PNCK: variants seen among roughly 807,000 people sequenced by gnomAD.
PNCK encodes the protein pregnancy up-regulated nonubiquitous CaM kinase.
Under a neutral mutation model 28.3 loss-of-function variants are expected in PNCK, and 21 were observed. That is an observed-to-expected ratio of 0.74 (90% CI 0.53 to 1.07). The LOEUF (loss-of-function observed/expected upper bound fraction) is 1.07, where lower values mean the gene tolerates loss of function less well. Among genes scored for constraint, PNCK ranks in the 50% least tolerant of loss-of-function variants. PNCK has a pLI of 0.00. For missense variants in PNCK, 250 were observed against 298.3 expected (o/e 0.84, Z 1.19); for synonymous variants, 136 against 125.2 (o/e 1.09, Z -0.58).
chrX:153,672,483 G>A (rs2091315453), intron 3 of PNCK, 83 bp downstream of exon 3: 2 of 1,137,582 alleles, frequency 1.8e-6, no homozygotes, highest in Admixed American at 2.5e-5. Flanking sequence ...AAAGGTTGGT[G>A]GCCAGGCCTG....
upstream of PNCK, among the ~76,000 whole-genome samples, chrX:153,676,789 G>C (rs1445023060): frequency 9.2e-6 from 1 of 109,244 alleles, no homozygotes; most frequent in African/African-American, 3.3e-5. Flanking sequence ...GCTTGAACCT[G>C]GGAGGTGGAG....
In PNCK at chrX:153,671,692, G is replaced by GGAAAAGGGCGTCA; in HGVS notation, c.415-21_415-20insTGACGCCCTTTTC. 8.5e-7 allele frequency: 1 copy of GGAAAAGGGCGTCA among 1,178,561 alleles called. No individual in the cohort carries two copies. The highest frequency in any genetic ancestry group is 2.3e-5 in the Admixed American group (1 of 42,989). ...TTCGGGCTGTGACACACGGACACCG[G>GGAAAAGGGCGTCA]GAAAAGGGCCAGTCAGTCCTGACGC... On this transcript the variant is annotated intron_variant, in intron 5 of 11. Coordinates refer to ENST00000340888, the MANE Select transcript of PNCK (RefSeq NM_001366977.1).
Position 153,671,375 on chromosome X carries a change from C to T in PNCK, c.539-15G>A. On this transcript the variant is annotated splice_polypyrimidine_tract_variant and intron_variant, in intron 6 of 11. Coordinates refer to ENST00000340888, the MANE Select transcript of PNCK (RefSeq NM_001366977.1). ...GAGCTCTGGGGCTGGGGGCCAGAGA[C>T]AGACAGACGCACGCACAGGCACACA... is the stretch of plus-strand genomic sequence containing the variant. 8.3e-7 allele frequency: 1 copy of T among 1,212,027 alleles called. No homozygotes were observed. The highest frequency in any genetic ancestry group is 1.1e-6 in the Non-Finnish European group (1 of 895,549).
At chrX:153,684,157 C>G (rs1480269254) in intron 1 of PNCK, among the ~76,000 whole-genome samples, 4 of 112,045 alleles carry the variant, frequency 3.6e-5, no homozygotes, top group African/African-American at 1.3e-4. Flanking sequence ...CAGGAAAGAC[C>G]AAAAACAGTT....
At chrX:153,674,391 C>T, upstream of PNCK, 2 of 399,528 alleles carry the variant, frequency 5.0e-6, no homozygotes, top group Admixed American at 5.0e-5. Context: ...GGCGGCCTAA[C>T]GACTGCCCTG....
At chrX:153,686,450 C>G (rs1298711625) in intron 1 of PNCK, 1 of 111,818 alleles carries the variant, frequency 8.9e-6, no homozygotes, top group East Asian at 2.8e-4. Flanking sequence ...CCTTCGATGA[C>G]ATCACGCGCC....
chrX:153,673,882 C>T, upstream of PNCK: 1 of 854,714 alleles, frequency 1.2e-6, no homozygotes, highest in African/African-American at 2.2e-5. Context: ...CCCCGCCAGC[C>T]GCCCAAGCAC....
chrX:153,686,556 T>C (rs1557043196), intron 1 of PNCK: 1 of 112,530 alleles, frequency 8.9e-6, no homozygotes, highest in Non-Finnish European at 1.9e-5. Context: ...GTGGTCCAGC[T>C]GGGTTGGCCC....
rs782094866 is a variant in PNCK at position 153,671,166 on chromosome X, G to A, written c.639C>T (p.Tyr213=). Residue 213 remains tyrosine, a synonymous_variant, in exon 8 of 12, where the codon TAC becomes TAT. Coordinates refer to ENST00000340888, the MANE Select transcript of PNCK (RefSeq NM_001366977.1). ...TGAAGAGCTCAGGGTCGCTCTCGTC[G>A]TAGAAGGGGGGGTACCCACACAGCC... ...YILLCGYPPF[Y]DESDPELFSQ... The A allele has an allele frequency of 2.5e-5, 30 of 1,210,118 alleles. No individual in the cohort carries two copies. In the East Asian group the frequency reaches 2.7e-4, roughly 11 times the overall value.
At chrX:153,685,340 G>A (rs1393929735) in intron 1 of PNCK, among the ~76,000 whole-genome samples, 1 of 111,215 alleles carries the variant, frequency 9.0e-6, no homozygotes, top group African/African-American at 3.3e-5. Flanking sequence ...TCAGCAGCTC[G>A]TGGGAGCAGC....
chrX:153,680,170 G>A (rs1173606838), intron 1 of PNCK, among the ~76,000 whole-genome samples: 2 of 109,724 alleles, frequency 1.8e-5, no homozygotes, highest in African/African-American at 3.3e-5. Context: ...GATGTGATAC[G>A]GTTTGGATGT....
intron 1 of PNCK, among the ~76,000 whole-genome samples, chrX:153,686,265 C>T (rs1180520966): frequency 8.9e-6 from 1 of 111,923 alleles, no homozygotes; most frequent in Non-Finnish European, 1.9e-5. Flanking sequence ...TGGTCACTTC[C>T]CCAAAGTGCC....
At chrX:153,685,866 T>C (rs781955138) in intron 1 of PNCK, among the ~76,000 whole-genome samples, 95 of 112,413 alleles carry the variant, frequency 8.5e-4, no homozygotes, top group African/African-American at 3.0e-3. Flanking sequence ...CCAGACCAGC[T>C]GGGGGCGGGA....
chrX:153,673,835 G>T (rs1356180591), upstream of PNCK: 4 of 751,505 alleles, frequency 5.3e-6, no homozygotes, highest in Non-Finnish European at 6.3e-6. Flanking sequence ...CAAGCCCCCC[G>T]CCCGCGCCCC....
At chrX:153,685,543 C>T (rs1557043049) in intron 1 of PNCK, among the ~76,000 whole-genome samples, 1 of 112,218 alleles carries the variant, frequency 8.9e-6, no homozygotes, top group Non-Finnish European at 1.9e-5. Flanking sequence ...CCTGAACCTC[C>T]CTCAGGAGCC....
At chrX:153,680,187 C>T (rs2091389075) in intron 1 of PNCK, among the ~76,000 whole-genome samples, 1 of 109,482 alleles carries the variant, frequency 9.1e-6, no homozygotes, top group South Asian at 4.0e-4. Context: ...ATGTCTGTCC[C>T]CTCCAAATCT....
chrX:153,671,302 G>GC lies in PNCK; in HGVS notation c.596dup (p.Val200ArgfsTer20). The GC allele has an allele frequency of 1.7e-6, 2 of 1,209,994 alleles. No homozygotes were observed. The highest frequency in any genetic ancestry group is 2.2e-6 in the Non-Finnish European group (2 of 894,344). ...TCACTCACAGGATGTAGGAGATGAC[G>GC]CCCAGGGCCCACACATCTACGGCCT... On this transcript the variant is annotated frameshift_variant, in exon 7 of 12. Transcript: ENST00000340888. LOFTEE classifies it high-confidence loss of function.
chrX:153,672,826 C>T (rs2091322526), intron 2 of PNCK, 129 bp from the exon 3 acceptor site: 1 of 934,429 alleles, frequency 1.1e-6, no homozygotes, highest in East Asian at 3.4e-5. Flanking sequence ...CCTGTGCCAC[C>T]CCCCACCACC....
intron 5 of PNCK, 89 bp downstream of exon 5, chrX:153,671,791 A>G (rs372361333): frequency 1.7e-6 from 2 of 1,172,951 alleles, no homozygotes; most frequent in African/African-American, 3.5e-5. Flanking sequence ...CAGGAGATCA[A>G]GAAAGGCCCC....
Sources: allele counts gnomAD v4.1 joint callset (sites outside exome capture counted in the v4.1 genomes callset), GRCh38; gene constraint gnomAD v4.1.1; transcripts MANE v1.5; gene names NCBI Gene and HGNC (gene_info 2026-07-23, HGNC 2026-07-21).